MAML3: variants seen among roughly 807,000 people sequenced by gnomAD.
MAML3 encodes the protein mastermind-like protein 3.
In MAML3, 27 loss-of-function variants were observed where a neutral mutation model predicts 101.9. The observed-to-expected ratio is 0.27, with a 90% CI of 0.20 to 0.37. MAML3 has a LOEUF of 0.37. MAML3 is among the 10% of genes least tolerant of loss of function. The pLI, the probability that MAML3 is intolerant of heterozygous loss-of-function variation, is 1.00. For missense variants in MAML3, 1,316 were observed against 1,444.9 expected, an observed-to-expected ratio of 0.91 and a Z score of 1.45; for synonymous variants, 501 against 555.9, an observed-to-expected ratio of 0.90 and a Z score of 1.39.
intron 1 of MAML3, among the ~76,000 whole-genome samples, chr4:139,992,709 C>A (rs1019618107): frequency 6.6e-6 from 1 of 152,120 alleles, no homozygotes; most frequent in African/African-American, 2.4e-5. Context: ...AGGCATGCAC[C>A]ACCATGCCCA....
chr4:139,970,995 G>A (rs948880000), intron 1 of MAML3, among the ~76,000 whole-genome samples: 1 of 152,156 alleles, frequency 6.6e-6, no homozygotes, highest in Non-Finnish European at 1.5e-5. Context: ...TGTCTCTACT[G>A]TTAACTAGTT....
At chr4:139,906,455 G>A (rs975497261) in intron 1 of MAML3, among the ~76,000 whole-genome samples, 8 of 152,260 alleles carry the variant, frequency 5.3e-5, no homozygotes, top group Middle Eastern at 3.4e-3. Context: ...GTCACTTTAC[G>A]ATGATTTTCC....
At chr4:139,990,159 G>T (rs888750849) in intron 1 of MAML3, among the ~76,000 whole-genome samples, 1 of 152,064 alleles carries the variant, frequency 6.6e-6, no homozygotes, top group Non-Finnish European at 1.5e-5. Flanking sequence ...TCACTATAGA[G>T]AAATCTTTAC....
chr4:140,114,677 G>T (rs539012091), intron 1 of MAML3, among the ~76,000 whole-genome samples: 1 of 152,298 alleles, frequency 6.6e-6, no homozygotes, highest in Non-Finnish European at 1.5e-5. Context: ...TTGCCAGAAT[G>T]TAATAAATTG....
intron 1 of MAML3, among the ~76,000 whole-genome samples, chr4:140,003,251 T>C (rs1287528926): frequency 6.6e-6 from 1 of 152,152 alleles, no homozygotes; most frequent in Non-Finnish European, 1.5e-5. Context: ...CATTTGGAAG[T>C]GACAGCAGCA....
chr4:139,842,900 C>T (rs1731387236), intron 2 of MAML3, among the ~76,000 whole-genome samples: 1 of 150,086 alleles, frequency 6.7e-6, no homozygotes, highest in Non-Finnish European at 1.5e-5. Context: ...GCCTCAGCCT[C>T]CCGAGTAGCT....
rs772498715 is a variant in MAML3 at position 140,152,886 on chromosome 4, C to T, written c.442G>A (p.Glu148Lys). Residue 148 changes from glutamate to lysine, a missense_variant, in exon 1 of 5, where the codon GAG (glutamate) becomes AAG (lysine). Transcript: ENST00000509479. ...ATGATCAGCGTGTGGTTCCTCTGCT[C>T]CGCCGAGGCAGCCTCCGCATCTTGC... ...PQQDAEAASA[E>K]QRNHTLIMLQ... 1 of 1,612,104 alleles carries T rather than the reference C, an allele frequency of 6.2e-7. No homozygotes were observed. The highest frequency in any genetic ancestry group is 1.1e-5 in the South Asian group (1 of 90,972).
chr4:140,151,431 A>C lies in MAML3; in HGVS notation c.468+1429T>G, dbSNP rs1343240253. ...ACTGCGGCGTCGCCTCCCCTCCCCC[A>C]AGCCGACTCTTTGTCACCGAGCGCC... On this transcript the variant is annotated intron_variant, in intron 1 of 4. Transcript: ENST00000509479. Among the ~76,000 whole-genome samples the C allele has an allele frequency of 6.6e-5, 10 of 152,210 alleles. No individual in the cohort carries two copies. In the East Asian group the frequency reaches 7.8e-4, roughly 12 times the overall value.
chr4:139,811,929 G>T (rs1310408084), intron 2 of MAML3, among the ~76,000 whole-genome samples: 6 of 152,168 alleles, frequency 3.9e-5, no homozygotes, highest in Middle Eastern at 3.2e-3. Flanking sequence ...AACGTTCAGT[G>T]GGGGAAAGCC....
chr4:140,145,061 G>C (rs1327517885), intron 1 of MAML3, among the ~76,000 whole-genome samples: 1 of 151,798 alleles, frequency 6.6e-6, no homozygotes, highest in Admixed American at 6.6e-5. Context: ...TTGCAACCCA[G>C]GTTGAATCTA....
At chr4:139,886,996 T>G in intron 2 of MAML3, among the ~76,000 whole-genome samples, 1 of 152,194 alleles carries the variant, frequency 6.6e-6, no homozygotes, top group East Asian at 1.9e-4. Context: ...AAACGAAATG[T>G]TGATCATGGT....
chr4:139,829,213 AGGAT>A (rs1490037955), intron 2 of MAML3, among the ~76,000 whole-genome samples: 1 of 150,784 alleles, frequency 6.6e-6, no homozygotes, highest in Non-Finnish European at 1.5e-5. Context: ...GGAGGAAGGA[AGGAT>A]GGAAGGAGAA....
chr4:139,789,417 G>A (rs1730363309), intron 2 of MAML3, among the ~76,000 whole-genome samples: 1 of 152,092 alleles, frequency 6.6e-6, no homozygotes, highest in Non-Finnish European at 1.5e-5. Flanking sequence ...AAGAGGGGTG[G>A]GTAGAGGGCA....
At chr4:140,089,719 A>C (rs1320830514) in intron 1 of MAML3, among the ~76,000 whole-genome samples, 1 of 152,236 alleles carries the variant, frequency 6.6e-6, no homozygotes, top group African/African-American at 2.4e-5. Context: ...TGGAGAGCAG[A>C]TCAGTGGTTA....
chr4:139,902,977 C>G (rs1415361298), intron 1 of MAML3, among the ~76,000 whole-genome samples: 1 of 152,142 alleles, frequency 6.6e-6, no homozygotes, highest in Non-Finnish European at 1.5e-5. Context: ...CAGACCTCTT[C>G]CAGTCCTGAA....
rs76211021 is a variant in MAML3, at chr4:139,898,421, C to T, written c.469-7454G>A. 1.5e-3 allele frequency among the ~76,000 whole-genome samples: 226 copies of T among 152,306 alleles called. 1 individual carries two copies. The highest frequency in any genetic ancestry group is 5.3e-3 in the African/African-American group (219 of 41,566). On this transcript the variant is annotated intron_variant, in intron 1 of 4. Coordinates refer to ENST00000509479, the MANE Select transcript of MAML3 (RefSeq NM_018717.5). Reference sequence around the variant, plus strand: ...GAAACTGAAATCCAGAGACTTTAAGCGACATTACCATGGTCACATGTTTTC... The same window carrying T: ...GAAACTGAAATCCAGAGACTTTAAGTGACATTACCATGGTCACATGTTTTC...
At chr4:140,104,752 A>G (rs1249986616) in intron 1 of MAML3, among the ~76,000 whole-genome samples, 1 of 151,928 alleles carries the variant, frequency 6.6e-6, no homozygotes, top group Non-Finnish European at 1.5e-5. Flanking sequence ...TCGGCCTTCC[A>G]AAGTGCTGGG....
chr4:140,056,827 T>TCTATCCCAC (rs1357671729), intron 1 of MAML3, among the ~76,000 whole-genome samples: 1 of 148,060 alleles, frequency 6.8e-6, no homozygotes, highest in Non-Finnish European at 1.5e-5. Context: ...AAAAAAAGGT[T>TCTATCCCAC]CTATCCCACT....
chr4:139,737,359 T>TCTGATGTCCCACAG (rs112442451), intron 2 of MAML3, among the ~76,000 whole-genome samples: 76,091 of 151,278 alleles, frequency 0.5, 19,866 homozygotes, highest in South Asian at 0.64. Flanking sequence ...AAGGAACTTG[T>TCTGATGTCCCACAG]CTGGTGGTGG....
Sources: allele counts gnomAD v4.1 joint callset (sites outside exome capture counted in the v4.1 genomes callset), GRCh38; gene constraint gnomAD v4.1.1; transcripts MANE v1.5; gene names NCBI Gene and HGNC (gene_info 2026-07-23, HGNC 2026-07-21).